Variants in CTNNAL1 observed in about 807,000 individuals in gnomAD.
CTNNAL1 encodes the protein alpha-catulin.
In CTNNAL1, 69 loss-of-function variants were observed where a neutral mutation model predicts 93.6. That is an observed-to-expected ratio of 0.74 (90% confidence interval 0.61 to 0.90). CTNNAL1 has a LOEUF of 0.90. Ranked by LOEUF, CTNNAL1 falls within the 40% of genes least tolerant of loss-of-function variation. The pLI, the probability that CTNNAL1 is intolerant of heterozygous loss-of-function variation, is 0.00. For missense variants in CTNNAL1, 836 were observed against 862.0 expected (o/e 0.97, Z 0.38); for synonymous variants, 286 against 305.4 (o/e 0.94, Z 0.66).
chr9:109,010,456 T>C (rs1827173717), intron 1 of CTNNAL1, among the ~76,000 whole-genome samples: 1 of 152,240 alleles, frequency 6.6e-6, no homozygotes, highest in African/African-American at 2.4e-5. Context: ...CACCCCACTC[T>C]GGTTTCTGGC....
intron 11 of CTNNAL1, among the ~76,000 whole-genome samples, chr9:108,956,387 G>A (rs191934447): frequency 4.6e-5 from 7 of 152,292 alleles, no homozygotes; most frequent in Admixed American, 1.3e-4. Context: ...GGAAGGAGAC[G>A]GGCAATGCCC....
intron 4 of CTNNAL1, among the ~76,000 whole-genome samples, chr9:108,986,533 G>A (rs967440133): frequency 6.6e-6 from 1 of 151,954 alleles, no homozygotes; most frequent in African/African-American, 2.4e-5. Context: ...AGTCGTTTGG[G>A]TATATACCCA....
Position 108,999,202 on chromosome 9 carries a change from G to T in CTNNAL1, c.196C>A (p.Gln66Lys). Residue 66 changes from glutamine to lysine, a missense_variant, in exon 2 of 19, where the codon CAA (glutamine) becomes AAA (lysine). Coordinates refer to ENST00000325551, the MANE Select transcript of CTNNAL1 (RefSeq NM_003798.4). The part of the protein sequence containing the change: ...DNTKKSDKTL[Q>K]AIQRVGQAVN... ...GCTTGTCCTACACGCTGAATTGCTT[G>T]CAGAGTTTTATCAGACTTTTTGGTA... The T allele has an allele frequency of 1.2e-6, 2 of 1,612,174 alleles. No individual in the cohort carries two copies. The highest frequency in any genetic ancestry group is 8.5e-7 in the Non-Finnish European group (1 of 1,179,356).
intron 1 of CTNNAL1, among the ~76,000 whole-genome samples, chr9:109,008,330 T>A (rs2132223011): frequency 6.6e-6 from 1 of 152,094 alleles, no homozygotes; most frequent in Non-Finnish European, 1.5e-5. Context: ...CTAACTTTTG[T>A]ATTTTTAGTA....
intron 2 of CTNNAL1, 37 bp downstream of exon 2, chr9:108,999,029 AG>A (rs754690648): frequency 6.5e-7 from 1 of 1,540,618 alleles, no homozygotes; most frequent in Admixed American, 2.1e-5. Context: ...AAGCAATAAA[AG>A]TGGTATGAAT....
chr9:108,944,583 GGAGAAGTA>G (rs1001156497), intron 15 of CTNNAL1, among the ~76,000 whole-genome samples: 18 of 152,266 alleles, frequency 1.2e-4, no homozygotes, highest in African/African-American at 3.4e-4. Context: ...ACAGGATGAT[GGAGAAGTA>G]GAGTGAAAAA....
At chr9:108,988,274 G>A (rs1281474029) in intron 4 of CTNNAL1, among the ~76,000 whole-genome samples, 1 of 152,046 alleles carries the variant, frequency 6.6e-6, no homozygotes, top group Admixed American at 6.5e-5. Context: ...AGAAGAGATG[G>A]GGTTTCATCA....
At chr9:109,008,879 T>TTG (rs1827120733) in intron 1 of CTNNAL1, among the ~76,000 whole-genome samples, 1 of 79,462 alleles carries the variant, frequency 1.3e-5, no homozygotes, top group Non-Finnish European at 2.4e-5. Flanking sequence ...AGAGGTTCTT[T>TTG]TTTTTTTTTT....
At chr9:108,958,149 G>T (rs1328181325) in intron 11 of CTNNAL1, among the ~76,000 whole-genome samples, 1 of 151,470 alleles carries the variant, frequency 6.6e-6, no homozygotes, top group African/African-American at 2.4e-5. Context: ...TTTTGAAAGG[G>T]CACTATCATT....
rs759859691 is a variant in CTNNAL1 at position 108,955,779 on chromosome 9, C to CT, written c.1629+10dup. ...AAAACATTCTGCAATGTACATAATTCTTCTACTTACCATTGGCTTTGGAAG... is the reference window on the plus strand; with the variant it reads ...AAAACATTCTGCAATGTACATAATTCTTTCTACTTACCATTGGCTTTGGAAG... On this transcript the variant is annotated intron_variant, in intron 12 of 18. Coordinates refer to ENST00000325551, the MANE Select transcript of CTNNAL1 (RefSeq NM_003798.4). The CT allele has an allele frequency of 6.3e-7, 1 of 1,599,498 alleles. No individual in the cohort carries two copies. Among genetic ancestry groups the CT allele is most frequent in the Non-Finnish European group, 8.5e-7 (1 of 1,171,994 alleles).
chr9:108,954,968 ATT>A (rs11363061), intron 12 of CTNNAL1, among the ~76,000 whole-genome samples: 26 of 145,568 alleles, frequency 1.8e-4, no homozygotes, highest in South Asian at 2.2e-4. Context: ...CAGTAATTTT[ATT>A]TTTTTTTTTT....
At chr9:108,955,567 T>C (rs575494159) in intron 12 of CTNNAL1, among the ~76,000 whole-genome samples, 1 of 152,346 alleles carries the variant, frequency 6.6e-6, no homozygotes, top group Non-Finnish European at 1.5e-5. Context: ...TCACAAATTA[T>C]GTTACCTATT....
Position 108,965,514 on chromosome 9 carries a change from A to G in CTNNAL1, c.1455T>C (p.Ala485=). 6.4e-7 allele frequency: 1 copy of G among 1,562,524 alleles called. No individual in the cohort carries two copies. ...TAGATGGATGCAATGTCAATGTTTC[A>G]GCAGCAGAAATTATCTAAAGAAACA... ...QVTGQQIISA[A]ETLTLHPSSK... is the part of the protein sequence containing the mutation. The change falls in exon 11 of 19, where the codon GCT becomes GCC. Residue 485 remains alanine, a synonymous_variant. Transcript: ENST00000325551.
chr9:109,002,155 TTC>T (rs1826853896), intron 1 of CTNNAL1, among the ~76,000 whole-genome samples: 1 of 152,176 alleles, frequency 6.6e-6, no homozygotes, highest in African/African-American at 2.4e-5. Flanking sequence ...CTGCTTACAG[TTC>T]TGGAGGCTGG....
intron 14 of CTNNAL1, chr9:108,950,655 C>T (rs2132090219): frequency 6.5e-7 from 1 of 1,529,318 alleles, no homozygotes; most frequent in East Asian, 2.5e-5. Context: ...TCTGCTGCCT[C>T]ACCTATCCCA....
At chr9:108,977,121 C>A in intron 7 of CTNNAL1, 73 bp from the exon 8 acceptor site, 1 of 642,904 alleles carries the variant, frequency 1.6e-6, no homozygotes, top group Non-Finnish European at 2.5e-6. Context: ...TTTGTTTGGA[C>A]TGTAAATTGT....
chr9:109,001,173 A>C (rs1826811616), intron 1 of CTNNAL1, among the ~76,000 whole-genome samples: 1 of 75,012 alleles, frequency 1.3e-5, no homozygotes, highest in South Asian at 3.6e-4. Flanking sequence ...CTCCATCTCC[A>C]AAAAAAAAAA....
At chr9:108,974,527 T>A (rs911152313) in intron 8 of CTNNAL1, among the ~76,000 whole-genome samples, 2 of 152,202 alleles carry the variant, frequency 1.3e-5, no homozygotes, top group African/African-American at 2.4e-5. Context: ...AAAATTTATA[T>A]AAGAAACATC....
intron 1 of CTNNAL1, among the ~76,000 whole-genome samples, chr9:109,002,366 C>T (rs1826861218): frequency 1.3e-5 from 2 of 152,222 alleles, no homozygotes; most frequent in South Asian, 4.1e-4. Flanking sequence ...GGATTAAGTT[C>T]CAACATATAA....
Sources: allele counts gnomAD v4.1 joint callset (sites outside exome capture counted in the v4.1 genomes callset), GRCh38; gene constraint gnomAD v4.1.1; transcripts MANE v1.5; gene names NCBI Gene and HGNC (gene_info 2026-07-23, HGNC 2026-07-21).